The following ZNF248 variants were observed in gnomAD, a reference collection of about 807,000 sequenced individuals.
The protein encoded by ZNF248 is zinc finger protein 248.
In ZNF248, 20 loss-of-function variants were observed where a neutral mutation model predicts 44.3. The observed-to-expected ratio is 0.45, with a 90% CI of 0.32 to 0.66. ZNF248 has a LOEUF of 0.66. Ranked by LOEUF, ZNF248 falls within the 30% of genes least tolerant of loss-of-function variation. The probability of loss-of-function intolerance (pLI) is 0.04; values close to 1 mark genes in which losing one functional copy is unlikely to be tolerated. For synonymous variants in ZNF248, 224 were observed against 229.0 expected, an observed-to-expected ratio of 0.98 and a Z score of 0.20; for missense variants, 654 against 677.0, an observed-to-expected ratio of 0.97 and a Z score of 0.38.
At chr10:37,814,133 G>A (rs1441573457) in intron 6 of ZNF248, among the ~76,000 whole-genome samples, 1 of 151,472 alleles carries the variant, frequency 6.6e-6, no homozygotes, top group Non-Finnish European at 1.5e-5. Flanking sequence ...GTAGATTTTT[G>A]CTAGTAAAAT....
chr10:37,841,024 G>C (rs2058246229), intron 3 of ZNF248, among the ~76,000 whole-genome samples: 1 of 152,208 alleles, frequency 6.6e-6, no homozygotes, highest in Non-Finnish European at 1.5e-5. Context: ...ACCAAAGGAA[G>C]ATTCAGATGA....
At chr10:37,817,906 TTTA>T (rs997934404) in intron 6 of ZNF248, among the ~76,000 whole-genome samples, 1 of 151,966 alleles carries the variant, frequency 6.6e-6, no homozygotes, top group African/African-American at 2.4e-5. Context: ...TTCTTTTTTA[TTTA>T]TTATTTATTT....
chr10:37,827,581 G>A (rs1214059734), downstream of ZNF248, among the ~76,000 whole-genome samples: 7 of 152,196 alleles, frequency 4.6e-5, no homozygotes, highest in Non-Finnish European at 1.5e-5. Flanking sequence ...GGAAAAGGGA[G>A]TTGGAGTTCC....
intron 6 of ZNF248, among the ~76,000 whole-genome samples, chr10:37,821,287 C>T (rs950537059): frequency 1.3e-5 from 2 of 152,178 alleles, no homozygotes; most frequent in Non-Finnish European, 2.9e-5. Flanking sequence ...TCAGAATAAC[C>T]CCACAAAGTA....
intron 6 of ZNF248, among the ~76,000 whole-genome samples, chr10:37,783,061 G>A (rs931984612): frequency 3.3e-5 from 5 of 152,138 alleles, no homozygotes; most frequent in African/African-American, 4.8e-5. Flanking sequence ...TACCAGCATT[G>A]ACTGTGCTAG....
downstream of ZNF248, among the ~76,000 whole-genome samples, chr10:37,826,482 TCTTC>T (rs777468633): frequency 6.6e-6 from 1 of 152,226 alleles, no homozygotes; most frequent in Non-Finnish European, 1.5e-5. Flanking sequence ...ATCTGACTGT[TCTTC>T]TAAAGTTATG....
chr10:37,833,215 G>A, intron 5 of ZNF248, 99 bp from the exon 6 acceptor site: 1 of 1,445,776 alleles, frequency 6.9e-7, no homozygotes, highest in Non-Finnish European at 9.1e-7. Context: ...CAATTCTTTT[G>A]TTTTAAATTC....
intron 6 of ZNF248, among the ~76,000 whole-genome samples, chr10:37,786,702 G>T (rs1337628672): frequency 2.0e-5 from 3 of 152,100 alleles, no homozygotes; most frequent in Non-Finnish European, 2.9e-5. Context: ...ATAGTTTACA[G>T]CTGCTTTCTT....
At chr10:37,785,291 C>T (rs906452578) in intron 6 of ZNF248, among the ~76,000 whole-genome samples, 3 of 152,182 alleles carry the variant, frequency 2.0e-5, no homozygotes, top group Non-Finnish European at 4.4e-5. Context: ...TCAAAAGCAG[C>T]TCCTGTGTAC....
chr10:37,853,430 T>C (rs2060676296), intron 3 of ZNF248, among the ~76,000 whole-genome samples: 1 of 152,176 alleles, frequency 6.6e-6, no homozygotes, highest in Non-Finnish European at 1.5e-5. Flanking sequence ...CAGGCTGGAA[T>C]GTGGTGGCGC....
At chr10:37,783,671 C>G (rs1314451164) in intron 6 of ZNF248, among the ~76,000 whole-genome samples, 1 of 152,196 alleles carries the variant, frequency 6.6e-6, no homozygotes, top group African/African-American at 2.4e-5. Flanking sequence ...TGGAAAAATA[C>G]TAACAGTCTC....
At chr10:37,826,301 A>C (rs778310692), downstream of ZNF248, among the ~76,000 whole-genome samples, 4 of 144,146 alleles carry the variant, frequency 2.8e-5, no homozygotes, top group Non-Finnish European at 5.9e-5. Flanking sequence ...TAATTTTCTC[A>C]TATAAATAAG....
Position 37,813,907 on chromosome 10 carries a change from G to A in ZNF248, c.330+19118C>T, listed in dbSNP as rs748693340. Among the ~76,000 whole-genome samples, 107 of 151,962 alleles carry A rather than the reference G, an allele frequency of 7.0e-4. 4 individuals are homozygous for A. Among genetic ancestry groups the A allele is most frequent in the Non-Finnish European group, 3.4e-4 (23 of 67,998 alleles). Reference sequence around the variant, plus strand: ...TCACTTTTAACCCGTTAGTGTCTTCGGACACAGATTAGAACCTGAGTCTCT... The same window carrying A: ...TCACTTTTAACCCGTTAGTGTCTTCAGACACAGATTAGAACCTGAGTCTCT... On this transcript the variant is annotated intron_variant, in intron 6 of 6. Coordinates refer to the ZNF248 transcript ENST00000615949.
the ZNF248 span, among the ~76,000 whole-genome samples, chr10:37,766,990 G>A: frequency 1.3e-5 from 2 of 152,088 alleles, no homozygotes. Flanking sequence ...GAAGTCTCAG[G>A]AGCCGATGCA....
At chr10:37,799,482 G>A (rs1402426681) in intron 6 of ZNF248, among the ~76,000 whole-genome samples, 4 of 152,086 alleles carry the variant, frequency 2.6e-5, no homozygotes, top group East Asian at 1.9e-4. Flanking sequence ...TTGCTTGAAC[G>A]TGGGAGGCAG....
chr10:37,831,730 T>G lies in ZNF248; in HGVS notation c.1625A>C (p.His542Pro). 1 of 1,613,318 alleles carries G rather than the reference T, an allele frequency of 6.2e-7. No individual in the cohort carries two copies. Among genetic ancestry groups the G allele is most frequent in the Non-Finnish European group, 8.5e-7 (1 of 1,179,316 alleles). ...KSALTKHQRT[H>P]TGEKPYECNA... is the part of the protein sequence containing the mutation. ...ACACTCATACGGCTTCTCCCCTGTG[T>G]GAGTCCTCTGATGTTTAGTGAGAGC... Residue 542 changes from histidine to proline, a missense_variant, in exon 6 of 6, where the codon CAC (histidine) becomes CCC (proline). Physicochemically the swap from His to Pro is moderately conservative, Grantham distance 77. Coordinates refer to ENST00000395867, the MANE Select transcript of ZNF248 (RefSeq NM_021045.3).
intron 3 of ZNF248, among the ~76,000 whole-genome samples, chr10:37,853,405 T>C (rs867613965): frequency 1.4e-4 from 21 of 151,926 alleles, no homozygotes; most frequent in Non-Finnish European, 2.6e-4. Flanking sequence ...CGAGACGGAG[T>C]CTCGCTCTGT....
the ZNF248 span, among the ~76,000 whole-genome samples, chr10:37,765,619 A>G: frequency 1.3e-5 from 2 of 152,236 alleles, no homozygotes. Context: ...AAATCACCAC[A>G]TTAATAATCG....
At chr10:37,800,518 G>A (rs2049678914) in intron 6 of ZNF248, among the ~76,000 whole-genome samples, 1 of 152,118 alleles carries the variant, frequency 6.6e-6, no homozygotes, top group African/African-American at 2.4e-5. Flanking sequence ...CCAGTCTACT[G>A]TTGATTGATA....
Sources: allele counts gnomAD v4.1 joint callset (sites outside exome capture counted in the v4.1 genomes callset), GRCh38; gene constraint gnomAD v4.1.1; transcripts MANE v1.5; gene names NCBI Gene and HGNC (gene_info 2026-07-23, HGNC 2026-07-21).